MAN1C1: variants seen among roughly 807,000 people sequenced by gnomAD.
MAN1C1 encodes the protein mannosidase alpha class 1C member 1, also known as mannosyl-oligosaccharide 1,2-alpha-mannosidase IC.
A neutral mutation model predicts 71.5 loss-of-function variants in MAN1C1; 49 were observed. That is an observed-to-expected ratio of 0.69 (90% confidence interval 0.54 to 0.87). MAN1C1 has a LOEUF of 0.87. Ranked by LOEUF, MAN1C1 falls within the 40% of genes least tolerant of loss-of-function variation. The pLI, the probability that MAN1C1 is intolerant of heterozygous loss-of-function variation, is 0.00. For missense variants in MAN1C1, 743 were observed against 835.0 expected (o/e 0.89, Z 1.36); for synonymous variants, 352 against 343.7 (o/e 1.02, Z -0.27).
chr1:25,691,371 T>A (rs1448465010), intron 2 of MAN1C1, among the ~76,000 whole-genome samples: 8 of 152,230 alleles, frequency 5.3e-5, no homozygotes, highest in African/African-American at 1.9e-4. Context: ...ATGGTTTGCA[T>A]GTGCATGCTG....
intron 3 of MAN1C1, among the ~76,000 whole-genome samples, chr1:25,747,926 A>G (rs553634286): frequency 4.6e-5 from 7 of 152,322 alleles, no homozygotes; most frequent in Admixed American, 3.9e-4. Context: ...ATGTAAAGTG[A>G]GGTCACCCTT....
At chr1:25,629,345 G>T (rs1000945860) in intron 1 of MAN1C1, among the ~76,000 whole-genome samples, 4 of 152,164 alleles carry the variant, frequency 2.6e-5, no homozygotes, top group African/African-American at 9.7e-5. Context: ...GCATTTCCCT[G>T]ATGATTAGTG....
At chr1:25,728,801 C>T (rs2046869030) in intron 2 of MAN1C1, among the ~76,000 whole-genome samples, 1 of 152,166 alleles carries the variant, frequency 6.6e-6, no homozygotes, top group African/African-American at 2.4e-5. Context: ...TTCCCTTCAA[C>T]GGCTCTGTCT....
intron 6 of MAN1C1, chr1:25,758,957 G>A (rs184732239): frequency 1.4e-4 from 68 of 485,626 alleles, no homozygotes; most frequent in African/African-American, 1.2e-3. Flanking sequence ...AGATTCTGCC[G>A]GGGAAAAGGT....
intron 2 of MAN1C1, among the ~76,000 whole-genome samples, chr1:25,720,302 C>T (rs1170725582): frequency 1.3e-5 from 2 of 151,974 alleles, no homozygotes; most frequent in African/African-American, 4.8e-5. Flanking sequence ...ACCTCCACCT[C>T]CCGAGTTCAA....
intron 3 of MAN1C1, 32 bp from the exon 4 acceptor site, chr1:25,749,223 C>T: frequency 6.3e-7 from 1 of 1,588,866 alleles, no homozygotes; most frequent in African/African-American, 1.3e-5. Flanking sequence ...ACAAGTGTCC[C>T]CACTGTCCCC....
chr1:25,719,841 T>TGGC (rs1412685572), intron 2 of MAN1C1, among the ~76,000 whole-genome samples: 3 of 152,166 alleles, frequency 2.0e-5, no homozygotes, highest in Non-Finnish European at 4.4e-5. Context: ...TGGAATAGAG[T>TGGC]GGCGCAATCC....
chr1:25,780,636 T>G (rs2047679841), intron 9 of MAN1C1: 1 of 282,596 alleles, frequency 3.5e-6, no homozygotes, highest in Admixed American at 4.8e-5. Flanking sequence ...AGTACACAGT[T>G]GTGGAACCCC....
Position 25,782,545 on chromosome 1 carries a change from G to A in MAN1C1, c.1651-40G>A, listed in dbSNP as rs200516480. The A allele has an allele frequency of 2.4e-4, 344 of 1,414,650 alleles. 2 individuals are homozygous for A. The highest frequency in any genetic ancestry group is 1.7e-4 in the Middle Eastern group (1 of 5,718). 87.6% of individuals were successfully genotyped at this position (1,414,650 alleles called of 1,614,324 possible). ...AGTCTTGAGGGGCCTTTCCTGTCCC[G>A]TGTTAAGGCTGTTTTCCTCCTCCTC... On this transcript the variant is annotated intron_variant, in intron 10 of 11. Transcript: ENST00000374332. This position sits in a 1 kb window ranked among gnomAD's most constrained non-coding sequence, Gnocchi z 4.4.
intron 2 of MAN1C1, among the ~76,000 whole-genome samples, chr1:25,728,722 C>T (rs2046868058): frequency 6.6e-6 from 1 of 152,152 alleles, no homozygotes; most frequent in African/African-American, 2.4e-5. Context: ...TGCCCACACC[C>T]CATTGGGTCC....
intron 1 of MAN1C1, among the ~76,000 whole-genome samples, chr1:25,674,975 T>A: frequency 6.6e-6 from 1 of 151,998 alleles, no homozygotes; most frequent in Non-Finnish European, 1.5e-5. Context: ...TGGATTAGGG[T>A]GGTGCTCATG....
At chr1:25,691,332 A>G (rs982737713) in intron 2 of MAN1C1, among the ~76,000 whole-genome samples, 24 of 152,128 alleles carry the variant, frequency 1.6e-4, no homozygotes, top group Non-Finnish European at 5.9e-5. Flanking sequence ...AACAACAACA[A>G]TTAAAAAGAA....
chr1:25,661,541 G>C lies in MAN1C1; in HGVS notation c.541-24899G>C, dbSNP rs562081433. Among the ~76,000 whole-genome samples, 3 of 152,298 alleles carry C rather than the reference G, an allele frequency of 2.0e-5. No homozygotes were observed. In the East Asian group the frequency reaches 5.8e-4, roughly 29 times the overall value. On this transcript the variant is annotated intron_variant, in intron 1 of 11. Transcript: ENST00000374332. Reference sequence around the variant, plus strand: ...GTGAGTTCTGCCTCCATTGTGGCAGGATCTTTCAACCTCACACCAAAGGAG... The same window carrying C: ...GTGAGTTCTGCCTCCATTGTGGCAGCATCTTTCAACCTCACACCAAAGGAG...
intron 2 of MAN1C1, among the ~76,000 whole-genome samples, chr1:25,687,446 G>C (rs115205254): frequency 6.6e-6 from 1 of 152,304 alleles, no homozygotes; most frequent in African/African-American, 2.4e-5. Context: ...TCCCCTGAGG[G>C]ACAGGAGTGG....
At chr1:25,651,379 A>G (rs888083079) in intron 1 of MAN1C1, among the ~76,000 whole-genome samples, 4 of 152,048 alleles carry the variant, frequency 2.6e-5, no homozygotes, top group Admixed American at 6.5e-5. Context: ...GCCTCTCCTG[A>G]GCTCACTGCC....
intron 2 of MAN1C1, among the ~76,000 whole-genome samples, chr1:25,713,615 A>G (rs2046641900): frequency 6.6e-6 from 1 of 152,176 alleles, no homozygotes; most frequent in Admixed American, 6.5e-5. Context: ...AACCCGAGAC[A>G]TGGAGTTTAT....
intron 5 of MAN1C1, among the ~76,000 whole-genome samples, chr1:25,755,221 C>T (rs1357025548): frequency 6.6e-6 from 1 of 152,204 alleles, no homozygotes; most frequent in Non-Finnish European, 1.5e-5. Flanking sequence ...GGTGTCTGCA[C>T]AGACCGGCCT....
intron 2 of MAN1C1, among the ~76,000 whole-genome samples, chr1:25,737,405 C>CG (rs370984048): frequency 3.2e-4 from 49 of 152,342 alleles, no homozygotes; most frequent in African/African-American, 1.0e-3. Context: ...ATTTCGCCCC[C>CG]CCGACAGGGA....
intron 2 of MAN1C1, among the ~76,000 whole-genome samples, chr1:25,729,712 A>T (rs2046884226): frequency 6.6e-6 from 1 of 151,996 alleles, no homozygotes; most frequent in African/African-American, 2.4e-5. Flanking sequence ...GGGTGTCACC[A>T]TGTTGGCCAG....
Sources: gnomAD v4.1 joint callset for allele counts (sites outside exome capture counted in the v4.1 genomes callset) on GRCh38, gnomAD v4.1.1 for gene constraint, Gnocchi (gnomAD v3.1) non-coding constraint, MANE v1.5 for transcripts, NCBI Gene and HGNC (gene_info 2026-07-23, HGNC 2026-07-21) for gene names.